Variants in PDE4B observed in about 807,000 individuals in gnomAD.
PDE4B encodes the protein phosphodiesterase 4B, also known as 3',5'-cyclic-AMP phosphodiesterase 4B.
Under a neutral mutation model 82.2 loss-of-function variants are expected in PDE4B, and 20 were observed. That is an observed-to-expected ratio of 0.24 (90% CI 0.17 to 0.35). The LOEUF is 0.35. Among genes scored for constraint, PDE4B ranks in the 10% least tolerant of loss-of-function variants. The pLI, the probability that PDE4B is intolerant of heterozygous loss-of-function variation, is 1.00. For missense variants in PDE4B, 655 were observed against 907.2 expected (o/e 0.72, Z 3.57); for synonymous variants, 320 against 318.9 (o/e 1.00, Z -0.04).
At chr1:65,843,799 G>A (rs138434526) in intron 1 of PDE4B, among the ~76,000 whole-genome samples, 3 of 152,032 alleles carry the variant, frequency 2.0e-5, no homozygotes, top group East Asian at 1.9e-4. Flanking sequence ...CTATAACTTA[G>A]CATTTTCTTT....
At chr1:65,910,830 G>A (rs1647081786) in intron 1 of PDE4B, among the ~76,000 whole-genome samples, 1 of 152,186 alleles carries the variant, frequency 6.6e-6, no homozygotes, top group African/African-American at 2.4e-5. Context: ...GACAGTACCT[G>A]AGAACCAGCC....
At chr1:65,858,034 T>G (rs1646412935) in intron 1 of PDE4B, among the ~76,000 whole-genome samples, 1 of 152,252 alleles carries the variant, frequency 6.6e-6, no homozygotes, top group Non-Finnish European at 1.5e-5. Flanking sequence ...ACAGTTGTTA[T>G]TTTGTCTGAA....
intron 1 of PDE4B, among the ~76,000 whole-genome samples, chr1:65,874,462 G>A (rs868404183): frequency 2.6e-5 from 4 of 152,234 alleles, no homozygotes; most frequent in Middle Eastern, 6.8e-3. Context: ...ATGTTGAATA[G>A]GAGTGGTGAG....
At chr1:65,973,691 C>A (rs958892792) in intron 3 of PDE4B, among the ~76,000 whole-genome samples, 2 of 152,256 alleles carry the variant, frequency 1.3e-5, no homozygotes, top group Non-Finnish European at 2.9e-5. Context: ...CTTTAAAGGA[C>A]TTTGATACAG....
chr1:65,982,371 C>G (rs748069061), intron 3 of PDE4B, among the ~76,000 whole-genome samples: 1 of 152,122 alleles, frequency 6.6e-6, no homozygotes, highest in African/African-American at 2.4e-5. Context: ...TGTGAAGGGA[C>G]AGACTACATT....
intron 1 of PDE4B, among the ~76,000 whole-genome samples, chr1:65,898,439 A>G (rs1397376970): frequency 1.3e-5 from 2 of 151,506 alleles, no homozygotes; most frequent in African/African-American, 4.8e-5. Context: ...CCCCACCATC[A>G]TTCTTCACAG....
intron 3 of PDE4B, among the ~76,000 whole-genome samples, chr1:65,967,427 C>A (rs535353991): frequency 2.0e-5 from 3 of 152,180 alleles, no homozygotes; most frequent in African/African-American, 7.2e-5. Context: ...AATGCTTTTA[C>A]ACTGTTGGTG....
chr1:65,914,437 C>T (rs1647133135), intron 2 of PDE4B, among the ~76,000 whole-genome samples: 1 of 149,472 alleles, frequency 6.7e-6, no homozygotes, highest in East Asian at 2.0e-4. Context: ...TCTGTTCTGT[C>T]ACTTGTGGCA....
At chr1:65,924,636 CAG>C (rs576133828) in intron 3 of PDE4B, among the ~76,000 whole-genome samples, 224 of 152,272 alleles carry the variant, frequency 1.5e-3, no homozygotes, top group African/African-American at 4.9e-3. Context: ...GCCTCTGACT[CAG>C]AGTCTCTCAC....
At chr1:65,833,917 A>C (rs987119822) in intron 1 of PDE4B, among the ~76,000 whole-genome samples, 2 of 152,176 alleles carry the variant, frequency 1.3e-5, no homozygotes, top group African/African-American at 2.4e-5. Flanking sequence ...ACTTGGCTAC[A>C]TTTTGCTGTT....
intron 3 of PDE4B, among the ~76,000 whole-genome samples, chr1:66,108,847 A>G (rs939613359): frequency 2.6e-5 from 4 of 152,062 alleles, no homozygotes; most frequent in Non-Finnish European, 4.4e-5. Context: ...CAACTGACTC[A>G]TCAAATCAAA....
At chr1:65,802,046 G>GC (rs1328196089) in intron 1 of PDE4B, among the ~76,000 whole-genome samples, 2 of 152,170 alleles carry the variant, frequency 1.3e-5, no homozygotes, top group Non-Finnish European at 2.9e-5. Flanking sequence ...TTTGCTTTAA[G>GC]CCGTGTGATA....
intron 3 of PDE4B, among the ~76,000 whole-genome samples, chr1:66,029,216 A>G (rs567398635): frequency 1.3e-5 from 2 of 152,256 alleles, no homozygotes; most frequent in South Asian, 4.2e-4. Context: ...AAAAGCAGAA[A>G]CCCTTAATAA....
chr1:66,024,267 A>C (rs1048328493), intron 3 of PDE4B, among the ~76,000 whole-genome samples: 2 of 152,160 alleles, frequency 1.3e-5, no homozygotes, highest in East Asian at 3.8e-4. Flanking sequence ...AGTTATTTTC[A>C]GAATATCTCT....
At chr1:66,310,258 G>T (rs768052043) in intron 7 of PDE4B, among the ~76,000 whole-genome samples, 1 of 152,130 alleles carries the variant, frequency 6.6e-6, no homozygotes, top group Non-Finnish European at 1.5e-5. Context: ...AAGAACTAGG[G>T]CTCATAGAGG....
chr1:66,339,018 CA>C (rs60064823), intron 8 of PDE4B, among the ~76,000 whole-genome samples: 6,666 of 79,738 alleles, frequency 0.084, 211 homozygotes, highest in African/African-American at 0.17. Context: ...GACTCCGTCT[CA>C]AAAAAAAAAA....
chr1:66,238,726 T>A (rs1200292394), intron 3 of PDE4B, among the ~76,000 whole-genome samples: 1 of 137,616 alleles, frequency 7.3e-6, no homozygotes, highest in Non-Finnish European at 1.5e-5. Flanking sequence ...TGAGGGAGAA[T>A]GAGTGAGTAG....
In PDE4B at chr1:66,096,520, A is replaced by ATATATATATG. The variant is rs1553145360; in HGVS notation, c.282-150931_282-150930insGTATATATAT. Among the ~76,000 whole-genome samples the ATATATATATG allele has an allele frequency of 4.6e-3, 597 of 130,948 alleles. 28 individuals carry two copies. The highest frequency in any genetic ancestry group is 0.024 in the Admixed American group (309 of 12,662). The allele number at this position is 130,948 out of a possible 152,430, so 85.9% of individuals were successfully genotyped here. ...TAAGTAAAAAAAATTATATATATAT[A>ATATATATATG]TATATATATATATATATATATACTG... On this transcript the variant is annotated intron_variant, in intron 3 of 16. Coordinates refer to ENST00000341517, the MANE Select transcript of PDE4B (RefSeq NM_002600.4).
intron 3 of PDE4B, among the ~76,000 whole-genome samples, chr1:65,991,504 A>G (rs966761530): frequency 1.3e-5 from 2 of 152,076 alleles, no homozygotes; most frequent in African/African-American, 4.8e-5. Flanking sequence ...GATCTTGCTG[A>G]TGAGCCCTAG....
Sources: gnomAD v4.1 joint callset for allele counts (sites outside exome capture counted in the v4.1 genomes callset) on GRCh38, gnomAD v4.1.1 for gene constraint, MANE v1.5 for transcripts, NCBI Gene and HGNC (gene_info 2026-07-23, HGNC 2026-07-21) for gene names.